The following VPS13D variants were observed in gnomAD, a reference collection of about 807,000 sequenced individuals.
The protein encoded by VPS13D is intermembrane lipid transfer protein VPS13D.
A neutral mutation model predicts 461.9 loss-of-function variants in VPS13D; 187 were observed. That is an observed-to-expected ratio of 0.40 (90% confidence interval 0.36 to 0.46). The LOEUF is 0.46. Ranked by LOEUF, VPS13D falls within the 20% of genes least tolerant of loss-of-function variation. The pLI, the probability that VPS13D is intolerant of heterozygous loss-of-function variation, is 0.60. For missense variants in VPS13D, 4,711 were observed against 5,364.9 expected, an observed-to-expected ratio of 0.88 and a Z score of 3.81; for synonymous variants, 1,951 against 1,986.3, an observed-to-expected ratio of 0.98 and a Z score of 0.47.
At chr1:12,308,297 T>C (rs1642626455) in intron 26 of VPS13D, 134 bp from the exon 27 acceptor site, 1 of 908,116 alleles carries the variant, frequency 1.1e-6, no homozygotes, top group Non-Finnish European at 1.7e-6. Context: ...TTCTGAGTAG[T>C]GGACAGTGTG....
In VPS13D at chr1:12,495,718, A is replaced by G. The variant is rs1220645687; in HGVS notation, c.12663-1782A>G. Among the ~76,000 whole-genome samples the G allele has an allele frequency of 6.6e-6, 1 of 152,170 alleles. No homozygotes were observed. Among genetic ancestry groups the G allele is most frequent in the East Asian group, 1.9e-4 (1 of 5,188 alleles). ...TACGTTGAAAGTGATGAGGAAGCAGACCCTGCCATATTCCTCTTGGAGAGC... is the reference window on the plus strand; with the variant it reads ...TACGTTGAAAGTGATGAGGAAGCAGGCCCTGCCATATTCCTCTTGGAGAGC... On this transcript the variant is annotated intron_variant, in intron 67 of 69. Transcript: ENST00000620676. This position sits in a 1 kb window ranked among gnomAD's most constrained non-coding sequence, Gnocchi z 4.0.
chr1:12,323,640 A>C, intron 34 of VPS13D, 66 bp from the exon 35 acceptor site: 1 of 1,479,514 alleles, frequency 6.8e-7, no homozygotes, highest in South Asian at 1.2e-5. Context: ...CTTTTTTTCT[A>C]AAATTAGTTT....
chr1:12,354,792 G>A (rs1230177426), intron 47 of VPS13D, among the ~76,000 whole-genome samples: 1 of 152,162 alleles, frequency 6.6e-6, no homozygotes, highest in Non-Finnish European at 1.5e-5. Context: ...GTAATCTCAT[G>A]TAATCCTTAT....
rs530263961 is a variant in VPS13D at position 12,384,821 on chromosome 1, A to G, written c.11371-439A>G. Reference sequence around the variant, plus strand: ...TTTTTTGTGGAGATAGGGTCTCGCTATGTTCCCCAGGCTGGTCTTGAACTT... The same window carrying G: ...TTTTTTGTGGAGATAGGGTCTCGCTGTGTTCCCCAGGCTGGTCTTGAACTT... On this transcript the variant is annotated intron_variant, in intron 58 of 69. Coordinates refer to ENST00000620676, the MANE Select transcript of VPS13D (RefSeq NM_015378.4). Among the ~76,000 whole-genome samples, 13 of 152,166 alleles carry G rather than the reference A, an allele frequency of 8.5e-5. No individual in the cohort carries two copies. The Middle Eastern group carries it at 0.01, about 119-fold the overall frequency.
chr1:12,375,863 C>A (rs1291333724), intron 55 of VPS13D, among the ~76,000 whole-genome samples: 4 of 152,210 alleles, frequency 2.6e-5, no homozygotes, highest in African/African-American at 9.7e-5. Flanking sequence ...CCATCCCCAC[C>A]ACACACACAA....
At position 12,252,041 on chromosome 1, in the gene VPS13D, G is replaced by A. The variant is rs112195798; in HGVS notation, c.565-1681G>A. ...ATTGCTCAGCTTGCAGGTGCTTCAC[G>A]CAGCCTCTGCCTCCGTCTTCATGTG... On this transcript the variant is annotated intron_variant, in intron 6 of 69. Coordinates refer to ENST00000620676, the MANE Select transcript of VPS13D (RefSeq NM_015378.4). Among the ~76,000 whole-genome samples the A allele has an allele frequency of 3.3e-3, 508 of 152,188 alleles. 1 individual carries two copies. Among genetic ancestry groups the A allele is most frequent in the African/African-American group, 0.011 (460 of 41,514 alleles).
rs768580240 is a variant in VPS13D, at chr1:12,318,281, G to T, written c.7358G>T (p.Arg2453Leu). 5 of 1,613,836 alleles carry T rather than the reference G, an allele frequency of 3.1e-6. No individual in the cohort carries two copies. The East Asian group carries it at 1.1e-4, about 36-fold the overall frequency. Residue 2453 changes from arginine to leucine, a missense_variant, in exon 31 of 70, where the codon CGG (arginine) becomes CTG (leucine). This residue lies in a region of VPS13D where 4,411 missense variants were observed against 4,937.8 expected (regional missense o/e 0.89). Coordinates refer to ENST00000620676, the MANE Select transcript of VPS13D (RefSeq NM_015378.4). ...KTVKSGVVTKRSSLPVSNERH... is the reference protein window; with the variant it reads ...KTVKSGVVTKLSSLPVSNERH... ...GTGAAGAGTGGAGTAGTTACCAAGC[G>T]GTCTTCCCTTCCTGTGTCCAATGAA...
intron 65 of VPS13D, among the ~76,000 whole-genome samples, chr1:12,418,970 T>G (rs1644829264): frequency 6.6e-6 from 1 of 152,218 alleles, no homozygotes; most frequent in Non-Finnish European, 1.5e-5. Flanking sequence ...CCTGGCAACA[T>G]CCTAGTGAAA....
At chr1:12,472,844 T>G (rs1354974440) in intron 67 of VPS13D, among the ~76,000 whole-genome samples, 3 of 152,246 alleles carry the variant, frequency 2.0e-5, no homozygotes, top group South Asian at 2.1e-4. Context: ...TTATCTCATT[T>G]AGGCATCACA....
intron 20 of VPS13D, among the ~76,000 whole-genome samples, chr1:12,280,524 G>T (rs377744607): frequency 1.4e-5 from 2 of 145,754 alleles, no homozygotes; most frequent in Non-Finnish European, 3.0e-5. Flanking sequence ...TTTTTGAGAC[G>T]GAGTCTCAGG....
At chr1:12,254,337 G>A (rs982325993) in intron 7 of VPS13D, among the ~76,000 whole-genome samples, 1 of 151,784 alleles carries the variant, frequency 6.6e-6, no homozygotes, top group Non-Finnish European at 1.5e-5. Flanking sequence ...CCCCACACCC[G>A]GCCTAGGCAT....
Position 12,507,216 on chromosome 1 carries a change from T to G in VPS13D, c.13035+123T>G, listed in dbSNP as rs1570305689. The G allele has an allele frequency of 1.3e-6, 2 of 1,549,760 alleles. No individual in the cohort carries two copies. Among genetic ancestry groups the G allele is most frequent in the Non-Finnish European group, 1.8e-6 (2 of 1,130,746 alleles). ...GTTGAGGCTGGGCCCTTCCCAGGAG[T>G]GCTGCCTCTCAGTCCTGAACATGGG... On this transcript the variant is annotated intron_variant, in intron 69 of 69. Transcript: ENST00000620676. The surrounding 1 kb of genome is among the most constrained non-coding windows in gnomAD (Gnocchi z 5.3).
At chr1:12,384,284 A>G (rs1461660929) in intron 58 of VPS13D, among the ~76,000 whole-genome samples, 1 of 152,154 alleles carries the variant, frequency 6.6e-6, no homozygotes, top group African/African-American at 2.4e-5. Flanking sequence ...TGTGGGAATG[A>G]GGGAGAGGAA....
At chr1:12,310,408 T>G (rs1049783746) in intron 27 of VPS13D, among the ~76,000 whole-genome samples, 2 of 152,214 alleles carry the variant, frequency 1.3e-5, no homozygotes, top group Non-Finnish European at 2.9e-5. Flanking sequence ...TAGAGCATAG[T>G]GTCTGTAGGA....
intron 52 of VPS13D, among the ~76,000 whole-genome samples, chr1:12,366,533 A>G (rs1383365406): frequency 6.6e-6 from 1 of 152,178 alleles, no homozygotes; most frequent in Non-Finnish European, 1.5e-5. Flanking sequence ...ATTGTTTTGT[A>G]TATTCCCTGG....
At chr1:12,260,607 T>A in intron 10 of VPS13D, 86 bp from the exon 11 acceptor site, 1 of 1,128,982 alleles carries the variant, frequency 8.9e-7, no homozygotes, top group South Asian at 1.3e-5. Context: ...TGTGCTTTAC[T>A]TTTAGTGGCT....
Position 12,507,866 on chromosome 1 carries a change from G to A in VPS13D, c.13035+773G>A, listed in dbSNP as rs1009611449. On this transcript the variant is annotated intron_variant, in intron 69 of 69. Transcript: ENST00000620676. This position sits in a 1 kb window ranked among gnomAD's most constrained non-coding sequence, Gnocchi z 5.3. Reference sequence around the variant, plus strand: ...CCTGGAGGCTTGCCATGACACCCAGGTGTTAGTCCTGCTCATTCTCACCCG... The same window carrying A: ...CCTGGAGGCTTGCCATGACACCCAGATGTTAGTCCTGCTCATTCTCACCCG... Among the ~76,000 whole-genome samples the A allele has an allele frequency of 6.6e-5, 10 of 152,252 alleles. No individual in the cohort carries two copies. The highest frequency in any genetic ancestry group is 2.2e-4 in the African/African-American group (9 of 41,470).
chr1:12,418,455 T>C (rs547323472), intron 65 of VPS13D, among the ~76,000 whole-genome samples: 1 of 152,354 alleles, frequency 6.6e-6, no homozygotes, highest in African/African-American at 2.4e-5. Flanking sequence ...AGTTAACATA[T>C]TTTATTAAAT....
chr1:12,271,677 A>G (rs866849396), intron 17 of VPS13D, among the ~76,000 whole-genome samples: 28 of 151,956 alleles, frequency 1.8e-4, no homozygotes, highest in African/African-American at 6.3e-4. Context: ...AAAAAGAAGA[A>G]GAAAAAAAAA....
Sources: allele counts gnomAD v4.1 joint callset (sites outside exome capture counted in the v4.1 genomes callset), GRCh38; gene constraint gnomAD v4.1.1; regional missense constraint gnomAD v4.1.1; non-coding constraint Gnocchi (gnomAD v3.1); transcripts MANE v1.5; gene names NCBI Gene and HGNC (gene_info 2026-07-23, HGNC 2026-07-21).